The following IGF1R variants were observed in gnomAD, a reference collection of about 807,000 sequenced individuals.
IGF1R encodes the protein insulin like growth factor 1 receptor.
A neutral mutation model predicts 144.6 loss-of-function variants in IGF1R; 44 were observed. The ratio of observed to expected loss-of-function variants is 0.30; its 90% CI spans 0.24 to 0.39. The LOEUF (loss-of-function observed/expected upper bound fraction) is 0.39, where lower values mean the gene tolerates loss of function less well. Among genes scored for constraint, IGF1R ranks in the 10% least tolerant of loss-of-function variants. The pLI, the probability that IGF1R is intolerant of heterozygous loss-of-function variation, is 1.00. For missense variants in IGF1R, 1,355 were observed against 1,833.7 expected (o/e 0.74, Z 4.77); for synonymous variants, 795 against 722.8 (o/e 1.10, Z -1.60).
At chr15:98,804,468 TG>T (rs1398994870) in intron 2 of IGF1R, among the ~76,000 whole-genome samples, 2 of 152,176 alleles carry the variant, frequency 1.3e-5, no homozygotes, top group African/African-American at 4.8e-5. Flanking sequence ...TTTTTGTTTT[TG>T]TTTTTGTTTT....
rs1040929062 is a variant in IGF1R at position 98,962,676 on chromosome 15, G to C, written c.*5234G>C. ...GTCACAGGGATCCTGGCACAGAGAA[G>C]AGTTACGAGCAGCAGGGTGCAGGGC... On this transcript the variant is annotated 3_prime_UTR_variant, in exon 21 of 21. Coordinates refer to ENST00000650285, the MANE Select transcript of IGF1R (RefSeq NM_000875.5). 1 of 233,756 alleles carries C rather than the reference G, an allele frequency of 4.3e-6. No homozygotes were observed. The highest frequency in any genetic ancestry group is 8.5e-6 in the Non-Finnish European group (1 of 118,176). The allele number at this position is 233,756 out of a possible 1,614,324, so 14.5% of individuals were successfully genotyped here.
rs768497102 is a variant in IGF1R at position 98,961,013 on chromosome 15, C to G, written c.*3571C>G. On this transcript the variant is annotated 3_prime_UTR_variant, in exon 21 of 21. Transcript: ENST00000650285. ...GCTCTTACAGGCACTGATGATTTCG[C>G]TGGGAAGTGTGGCGGGCAGCTTTGC... The G allele has an allele frequency of 9.8e-5, 23 of 233,782 alleles. No homozygotes were observed. In the Middle Eastern group the frequency reaches 5.1e-3, roughly 52 times the overall value. 14.5% of individuals were successfully genotyped at this position (233,782 alleles called of 1,614,324 possible). A position where few individuals can be genotyped will look rare whatever the true frequency, so the allele number is the denominator to read the frequency against.
At chr15:98,952,066 C>T (rs61622267) in intron 20 of IGF1R, among the ~76,000 whole-genome samples, 38,467 of 152,116 alleles carry the variant, frequency 0.25, 5,340 homozygotes, top group Non-Finnish European at 0.32. Context: ...AGGCAGCAGG[C>T]CAGATTTTAC....
At chr15:98,722,396 G>C (rs1023133283) in intron 2 of IGF1R, among the ~76,000 whole-genome samples, 2 of 152,104 alleles carry the variant, frequency 1.3e-5, no homozygotes, top group African/African-American at 4.8e-5. Context: ...ACTGTTTGCC[G>C]AACACTGTAT....
intron 2 of IGF1R, among the ~76,000 whole-genome samples, chr15:98,749,471 T>A (rs1311458421): frequency 1.3e-5 from 2 of 152,234 alleles, no homozygotes; most frequent in African/African-American, 4.8e-5. Flanking sequence ...TTGAGAAATT[T>A]CATCAAGACT....
intron 1 of IGF1R, among the ~76,000 whole-genome samples, chr15:98,693,324 C>T (rs2053522272): frequency 6.6e-6 from 1 of 152,174 alleles, no homozygotes; most frequent in East Asian, 1.9e-4. Context: ...GCAAGATTTA[C>T]CACCCTGTTG....
At chr15:98,838,948 A>C (rs1048125298) in intron 2 of IGF1R, among the ~76,000 whole-genome samples, 1 of 152,174 alleles carries the variant, frequency 6.6e-6, no homozygotes, top group Non-Finnish European at 1.5e-5. Flanking sequence ...CTGAGTCCCC[A>C]CTCAACCCCA....
intron 8 of IGF1R, among the ~76,000 whole-genome samples, chr15:98,914,340 T>C (rs185054770): frequency 1.3e-5 from 2 of 152,292 alleles, no homozygotes; most frequent in East Asian, 3.9e-4. Flanking sequence ...TTTTAGTGGG[T>C]AAGGTGTTTT....
At chr15:98,691,212 C>G (rs938424252) in intron 1 of IGF1R, among the ~76,000 whole-genome samples, 3 of 152,160 alleles carry the variant, frequency 2.0e-5, no homozygotes, top group African/African-American at 7.2e-5. Flanking sequence ...TAGCGCATCA[C>G]AGCACATTAC....
chr15:98,673,109 C>T (rs1174958848), intron 1 of IGF1R, among the ~76,000 whole-genome samples: 2 of 152,138 alleles, frequency 1.3e-5, no homozygotes, highest in African/African-American at 2.4e-5. Context: ...ATCCTCTTGC[C>T]TCAACCTCCC....
chr15:98,729,026 C>G (rs943997963), intron 2 of IGF1R, among the ~76,000 whole-genome samples: 5 of 152,204 alleles, frequency 3.3e-5, no homozygotes, highest in Non-Finnish European at 7.3e-5. Context: ...AGACATGGCA[C>G]AATGCCTCAA....
chr15:98,954,014 C>A (rs567314737), intron 20 of IGF1R: 1 of 152,248 alleles, frequency 6.6e-6, no homozygotes, highest in South Asian at 2.1e-4. Flanking sequence ...GAGGGAGAGA[C>A]ACATTCAGCC....
chr15:98,680,087 GAAGA>G (rs2053151748), intron 1 of IGF1R, among the ~76,000 whole-genome samples: 3 of 152,086 alleles, frequency 2.0e-5, no homozygotes, highest in South Asian at 4.2e-4. Context: ...ATTTATTATT[GAAGA>G]AAGAAATTTT....
intron 2 of IGF1R, among the ~76,000 whole-genome samples, chr15:98,733,955 G>A (rs950255973): frequency 3.9e-5 from 6 of 151,924 alleles, no homozygotes; most frequent in East Asian, 3.9e-4. Context: ...TACATACCCC[G>A]GAAGTCCTTT....
In IGF1R at chr15:98,961,125, A is replaced by G. The variant is rs2017208956; in HGVS notation, c.*3683A>G. 1 of 232,898 alleles carries G rather than the reference A, an allele frequency of 4.3e-6. No individual in the cohort carries two copies. 14.4% of individuals were successfully genotyped at this position (232,898 alleles called of 1,614,324 possible). ...TGGAACGCGACCCATCTCTCCCAGGACCCCGGGGATCTTAAGGTCATTGAG... is the reference window on the plus strand; with the variant it reads ...TGGAACGCGACCCATCTCTCCCAGGGCCCCGGGGATCTTAAGGTCATTGAG... On this transcript the variant is annotated 3_prime_UTR_variant, in exon 21 of 21. Transcript: ENST00000650285.
chr15:98,765,439 G>T (rs1008473672), intron 2 of IGF1R, among the ~76,000 whole-genome samples: 8 of 150,284 alleles, frequency 5.3e-5, no homozygotes, highest in African/African-American at 2.0e-4. Flanking sequence ...CTCCCAAGTA[G>T]CTGGGGCCAC....
At chr15:98,955,432 C>A (rs2016940287) in intron 20 of IGF1R, among the ~76,000 whole-genome samples, 1 of 152,262 alleles carries the variant, frequency 6.6e-6, no homozygotes, top group East Asian at 1.9e-4. Context: ...CAGTCTCTGT[C>A]CTAATGTCCT....
chr15:98,909,035 C>G (rs1396911417), intron 6 of IGF1R, 136 bp downstream of exon 6: 3 of 751,802 alleles, frequency 4.0e-6, no homozygotes, highest in African/African-American at 3.5e-5. Flanking sequence ...TCTTAACTAG[C>G]ACTTTGCTCC....
At position 98,923,898 on chromosome 15, in the gene IGF1R, G is replaced by T; in HGVS notation, c.2508G>T (p.Gly836=). ...MPAEGADDIP[G]PVTWEPRPEN... ...CAGAAGGAGCAGATGACATTCCTGG[G>T]CCAGTGACCTGGGAGCCAAGGCCTG... The change falls in exon 12 of 21, where the codon GGG becomes GGT. Residue 836 remains glycine, a synonymous_variant. Coordinates refer to ENST00000650285, the MANE Select transcript of IGF1R (RefSeq NM_000875.5). 1 of 1,613,684 alleles carries T rather than the reference G, an allele frequency of 6.2e-7. No individual in the cohort carries two copies. Among genetic ancestry groups the T allele is most frequent in the Non-Finnish European group, 8.5e-7 (1 of 1,179,564 alleles).
Sources: allele counts gnomAD v4.1 joint callset (sites outside exome capture counted in the v4.1 genomes callset), GRCh38; gene constraint gnomAD v4.1.1; transcripts MANE v1.5; gene names NCBI Gene and HGNC (gene_info 2026-07-23, HGNC 2026-07-21).